Variants in MYPN observed in about 807,000 individuals in gnomAD.
MYPN encodes sarcomeric protein myopalladin, 145 kDa (MYOP).
Under a neutral mutation model 129.4 loss-of-function variants are expected in MYPN, and 63 were observed. The observed-to-expected ratio is 0.49, with a 90% CI of 0.40 to 0.60. The LOEUF (loss-of-function observed/expected upper bound fraction) is 0.60, where lower values mean the gene tolerates loss of function less well. Among genes scored for constraint, MYPN ranks in the 20% least tolerant of loss-of-function variants. The pLI, the probability that MYPN is intolerant of heterozygous loss-of-function variation, is 0.00. For missense variants in MYPN, 1,596 were observed against 1,635.4 expected, an observed-to-expected ratio of 0.98 and a Z score of 0.42; for synonymous variants, 629 against 600.9, an observed-to-expected ratio of 1.05 and a Z score of -0.68.
rs753685932 is a variant in MYPN, at chr10:68,166,679, T to C, written c.1973+13T>C. 8 of 1,613,460 alleles carry C rather than the reference T, an allele frequency of 5.0e-6. 1 individual carries two copies. The highest frequency in any genetic ancestry group is 2.2e-5 in the South Asian group (2 of 91,056). The stretch of plus-strand genomic sequence containing the variant: ...CCAAACCCAAACTGTAAGTAAAAAG[T>C]AGGATGAATAACCAGGAGCTTCTGT... On this transcript the variant is annotated intron_variant, in intron 10 of 19. Coordinates refer to ENST00000358913, the MANE Select transcript of MYPN (RefSeq NM_032578.4).
intron 13 of MYPN, among the ~76,000 whole-genome samples, chr10:68,191,769 G>T (rs2043517605): frequency 6.6e-6 from 1 of 151,936 alleles, no homozygotes; most frequent in Admixed American, 6.6e-5. Context: ...ATTTTTGTAG[G>T]TATTGTAAAT....
chr10:68,095,915 T>C (rs371734304), intron 1 of MYPN, among the ~76,000 whole-genome samples: 11 of 152,244 alleles, frequency 7.2e-5, no homozygotes, highest in African/African-American at 2.2e-4. Flanking sequence ...AAATGGTAAA[T>C]TGTATGTTAT....
chr10:68,104,810 G>A (rs1402951693), upstream of MYPN, among the ~76,000 whole-genome samples: 2 of 152,022 alleles, frequency 1.3e-5, no homozygotes, highest in Non-Finnish European at 2.9e-5. Context: ...TTGAGACAGA[G>A]TCTCACTCTG....
intron 1 of MYPN, among the ~76,000 whole-genome samples, chr10:68,099,377 A>G (rs1451159412): frequency 6.6e-6 from 1 of 152,156 alleles, no homozygotes; most frequent in Non-Finnish European, 1.5e-5. Flanking sequence ...TTTTATTGGC[A>G]TGTAATAACA....
At chr10:68,125,272 G>A (rs1268036556) in intron 2 of MYPN, among the ~76,000 whole-genome samples, 1 of 152,126 alleles carries the variant, frequency 6.6e-6, no homozygotes, top group Admixed American at 6.5e-5. Context: ...TTTCCATGTA[G>A]CAATGCTAAT....
chr10:68,122,418 C>A, intron 2 of MYPN, 78 bp downstream of exon 2: 1 of 1,486,886 alleles, frequency 6.7e-7, no homozygotes, highest in Non-Finnish European at 9.3e-7. Context: ...ATCATTTAAG[C>A]ACCTGGTTTA....
Position 68,204,744 on chromosome 10 carries a change from A to G in MYPN, c.3660-2026A>G, listed in dbSNP as rs796851376. Reference sequence around the variant, plus strand: ...CTGTCTCAAAAAAAAAAAAAAAAAAAAGAGAATACAAACTGATTATATCAA... The same window carrying G: ...CTGTCTCAAAAAAAAAAAAAAAAAAGAGAGAATACAAACTGATTATATCAA... On this transcript the variant is annotated intron_variant, in intron 18 of 19. Coordinates refer to ENST00000358913, the MANE Select transcript of MYPN (RefSeq NM_032578.4). Among the ~76,000 whole-genome samples, 8 of 151,460 alleles carry G rather than the reference A, an allele frequency of 5.3e-5. No individual in the cohort carries two copies. The South Asian group carries it at 6.3e-4, about 12-fold the overall frequency.
rs11301512 is a variant in MYPN at position 68,091,393 on chromosome 10, C to CTTTTTT, written c.-2+3417_-2+3422dup. The stretch of plus-strand genomic sequence containing the variant: ...ATATACCATCAACTAGACTACAGCC[C>CTTTTTT]TTTTTTTTTTTTTTTTTTTTTGACA... On this transcript the variant is annotated intron_variant, in intron 1 of 6. Coordinates refer to the MYPN transcript ENST00000685154. 9.4e-5 allele frequency among the ~76,000 whole-genome samples: 10 copies of CTTTTTT among 106,758 alleles called. 1 individual carries two copies. Among genetic ancestry groups the CTTTTTT allele is most frequent in the Non-Finnish European group, 1.4e-4 (8 of 56,916 alleles). The allele number at this position is 106,758 out of a possible 152,430, so 70.0% of individuals were successfully genotyped here.
chr10:68,122,336 G>A lies in MYPN; in HGVS notation c.898G>A (p.Val300Ile), dbSNP rs1254052635. 1 of 1,613,212 alleles carries A rather than the reference G, an allele frequency of 6.2e-7. No individual in the cohort carries two copies. The highest frequency in any genetic ancestry group is 8.5e-7 in the Non-Finnish European group (1 of 1,179,994). Residue 300 changes from valine (V) to isoleucine (I), a missense_variant, in exon 2 of 20, where the codon GTA becomes ATA. Coordinates refer to ENST00000358913, the MANE Select transcript of MYPN (RefSeq NM_032578.4). The part of the protein sequence containing the change: ...CIVVGIPPPQ[V>I]RWYCEGKELE... ...AGTGGTAGGAATTCCACCACCTCAA[G>A]TAAGGTAAAAATGTCCCATTGGTAA...
chr10:68,193,666 T>C (rs1021804241), intron 13 of MYPN, among the ~76,000 whole-genome samples: 3 of 152,206 alleles, frequency 2.0e-5, no homozygotes, highest in Admixed American at 6.5e-5. Context: ...CATAGTGTTA[T>C]CATGTATGGT....
At chr10:68,194,559 G>A (rs769667846) in intron 14 of MYPN, 47 bp downstream of exon 14, 19 of 1,600,894 alleles carry the variant, frequency 1.2e-5, no homozygotes, top group East Asian at 6.7e-5. Context: ...AGGAAGGAGC[G>A]GTTGATGTCA....
rs146899174 is a variant in MYPN, at chr10:68,143,021, T to G, written c.984T>G (p.Ile328Met). 1.2e-6 allele frequency: 2 copies of G among 1,614,050 alleles called. No individual in the cohort carries two copies. Among genetic ancestry groups the G allele is most frequent in the Non-Finnish European group, 1.7e-6 (2 of 1,180,032 alleles). The change falls in exon 3 of 20, where the codon ATT becomes ATG. Residue 328 changes from isoleucine to methionine, a missense_variant. Transcript: ENST00000358913. ...VQAGNLHSLT[I>M]AEAFEEDTGR... ...CAGGAAATCTGCACTCACTGACCAT[T>G]GCGGAAGCCTTTGAAGAGGACACAG...
In MYPN at chr10:68,179,732, C is replaced by G. The variant is rs865917796; in HGVS notation, c.2703+4271C>G. Among the ~76,000 whole-genome samples the G allele has an allele frequency of 7.9e-5, 12 of 151,396 alleles. 1 individual carries two copies. The South Asian group carries it at 1.0e-3, about 13-fold the overall frequency. On this transcript the variant is annotated intron_variant, in intron 12 of 19. Coordinates refer to ENST00000358913, the MANE Select transcript of MYPN (RefSeq NM_032578.4). ...CTGGAGTGCAGTGGTGCGATCTCCA[C>G]TCATTGCAGCCTTGACTTCTCGGGC...
At position 68,116,905 on chromosome 10, in the gene MYPN, C is replaced by T. The variant is rs184779701; in HGVS notation, c.-1-4533C>T. 3.9e-5 allele frequency among the ~76,000 whole-genome samples: 6 copies of T among 152,054 alleles called. No individual in the cohort carries two copies. The East Asian group carries it at 1.2e-3, about 30-fold the overall frequency. ...GTTTTCTTTGACCTCCTTTATCTGT[C>T]CTATTTTATCCTACAATCAAAAGTG... is the stretch of plus-strand genomic sequence containing the variant. On this transcript the variant is annotated intron_variant, in intron 1 of 19. Transcript: ENST00000358913.
At position 68,150,124 on chromosome 10, in the gene MYPN, T is replaced by C. The variant is rs2042742828; in HGVS notation, c.1317+13T>C. The C allele has an allele frequency of 1.2e-6, 2 of 1,603,658 alleles. No homozygotes were observed. The highest frequency in any genetic ancestry group is 1.3e-5 in the African/African-American group (1 of 74,792). On this transcript the variant is annotated intron_variant, in intron 6 of 19. Coordinates refer to ENST00000358913, the MANE Select transcript of MYPN (RefSeq NM_032578.4). The stretch of plus-strand genomic sequence containing the variant: ...TGTGTTTACAAAGGTAATAAAAATA[T>C]TACTTCTTTCTGTCATGGCTTTAAA...
chr10:68,132,972 C>T (rs2042432382), intron 2 of MYPN, among the ~76,000 whole-genome samples: 1 of 151,802 alleles, frequency 6.6e-6, no homozygotes, highest in Non-Finnish European at 1.5e-5. Flanking sequence ...TCTTCCAACA[C>T]CCCAAAACCT....
At chr10:68,182,208 T>TTATA (rs147861615) in intron 12 of MYPN, among the ~76,000 whole-genome samples, 2 of 82,330 alleles carry the variant, frequency 2.4e-5, no homozygotes, top group African/African-American at 7.0e-5. Flanking sequence ...GTTACTAATG[T>TTATA]TATATATATA....
chr10:68,209,405 A>G (rs1237559374), intron 19 of MYPN, among the ~76,000 whole-genome samples: 1 of 152,214 alleles, frequency 6.6e-6, no homozygotes, highest in Non-Finnish European at 1.5e-5. Context: ...TGCTGTAACA[A>G]TAGAACCTGA....
intron 4 of MYPN, among the ~76,000 whole-genome samples, chr10:68,145,829 C>T (rs1331548299): frequency 6.6e-6 from 1 of 152,210 alleles, no homozygotes; most frequent in Non-Finnish European, 1.5e-5. Context: ...TTGCTTCTAG[C>T]TTTTGTGCAG....
Sources: gnomAD v4.1 joint callset for allele counts (sites outside exome capture counted in the v4.1 genomes callset) on GRCh38, gnomAD v4.1.1 for gene constraint, MANE v1.5 for transcripts, NCBI Gene and HGNC (gene_info 2026-07-23, HGNC 2026-07-21) for gene names.